Variants in PPFIBP2 observed in about 807,000 individuals in gnomAD.
PPFIBP2 encodes the protein PPFIB scaffold protein 2.
A neutral mutation model predicts 118.3 loss-of-function variants in PPFIBP2; 118 were observed. The ratio of observed to expected loss-of-function variants is 1.00; its 90% CI spans 0.86 to 1.16. PPFIBP2 has a LOEUF of 1.16. PPFIBP2 is among the 50% of genes most tolerant of loss of function. PPFIBP2 has a pLI of 0.00. For missense variants in PPFIBP2, 1,195 were observed against 1,073.1 expected (o/e 1.11, Z -1.59); for synonymous variants, 414 against 397.4 (o/e 1.04, Z -0.50).
chr11:7,556,021 TATC>T (rs762525689), intron 2 of PPFIBP2, among the ~76,000 whole-genome samples: 62 of 152,364 alleles, frequency 4.1e-4, no homozygotes, highest in Admixed American at 1.2e-3. Flanking sequence ...TCCATTTTGT[TATC>T]ATCAAGTTGG....
At chr11:7,632,989 G>C in intron 12 of PPFIBP2, 55 bp downstream of exon 12, 1 of 1,513,610 alleles carries the variant, frequency 6.6e-7, no homozygotes, top group Non-Finnish European at 9.2e-7. Flanking sequence ...TTGCCTTGGG[G>C]CTGCCGAAGT....
At chr11:7,573,442 A>G (rs534279423) in intron 3 of PPFIBP2, among the ~76,000 whole-genome samples, 6 of 152,382 alleles carry the variant, frequency 3.9e-5, no homozygotes, top group African/African-American at 1.2e-4. Context: ...GTGTCCATAA[A>G]TAAAGTTTTA....
chr11:7,593,376 C>G (rs1238220756), intron 4 of PPFIBP2, 152 bp downstream of exon 4: 4 of 1,223,206 alleles, frequency 3.3e-6, no homozygotes, highest in Non-Finnish European at 4.4e-6. Context: ...TGAAATAAAA[C>G]ATTAAGTAAC....
intron 3 of PPFIBP2, among the ~76,000 whole-genome samples, chr11:7,566,109 C>T (rs1464866727): frequency 6.6e-6 from 1 of 152,040 alleles, no homozygotes; most frequent in South Asian, 2.1e-4. Context: ...GCTGGTGTCT[C>T]TACCCTCGGC....
intron 6 of PPFIBP2, among the ~76,000 whole-genome samples, chr11:7,618,737 A>G (rs1371326288): frequency 6.6e-6 from 1 of 151,912 alleles, no homozygotes; most frequent in Non-Finnish European, 1.5e-5. Context: ...ACTTGCCACC[A>G]CGCCCGGCTA....
At chr11:7,664,168 T>C in the PPFIBP2 span, among the ~76,000 whole-genome samples, 1 of 152,192 alleles carries the variant, frequency 6.6e-6, no homozygotes, top group African/African-American at 2.4e-5. Context: ...TCTTGGCTCC[T>C]CCCTTGCATG....
At chr11:7,663,576 C>T in the PPFIBP2 span, among the ~76,000 whole-genome samples, 1 of 152,228 alleles carries the variant, frequency 6.6e-6, no homozygotes, top group Non-Finnish European at 1.5e-5. Context: ...ACATTTAAGT[C>T]TGTAGAAGTT....
intron 2 of PPFIBP2, among the ~76,000 whole-genome samples, chr11:7,562,241 C>A (rs1353735307): frequency 1.3e-5 from 2 of 152,190 alleles, no homozygotes; most frequent in Non-Finnish European, 2.9e-5. Flanking sequence ...GCTGGGAACA[C>A]CTGGGCTGGA....
At chr11:7,571,708 T>C (rs1189188051) in intron 3 of PPFIBP2, 1 of 152,128 alleles carries the variant, frequency 6.6e-6, no homozygotes, top group African/African-American at 2.4e-5. Context: ...CTGTGACAGG[T>C]GTGAACTTGA....
rs1416403496 is a variant in PPFIBP2 at position 7,648,720 on chromosome 11, T to G, written c.1798-80T>G. The G allele has an allele frequency of 2.0e-6, 3 of 1,471,008 alleles. No individual in the cohort carries two copies. In the East Asian group the frequency reaches 6.8e-5, roughly 33 times the overall value. 91.1% of individuals were successfully genotyped at this position (1,471,008 alleles called of 1,614,324 possible). On this transcript the variant is annotated intron_variant, in intron 18 of 23. Coordinates refer to ENST00000299492, the MANE Select transcript of PPFIBP2 (RefSeq NM_003621.5). ...GAGATACACTGCCATACTCAGAGCA[T>G]CTCCACCCAGACACAGCTTTCTCTG...
chr11:7,567,686 A>G (rs921995328), intron 3 of PPFIBP2, among the ~76,000 whole-genome samples: 1 of 152,232 alleles, frequency 6.6e-6, no homozygotes, highest in African/African-American at 2.4e-5. Context: ...CACATTCCAC[A>G]CAAGGTCTTA....
At chr11:7,634,669 A>T (rs546958105) in intron 13 of PPFIBP2, 117 bp downstream of exon 13, 7 of 779,960 alleles carry the variant, frequency 9.0e-6, no homozygotes, top group South Asian at 6.2e-5. Context: ...ATAAAGTTGT[A>T]GAGGAAGCAG....
chr11:7,617,156 G>C, intron 6 of PPFIBP2: 1 of 984,918 alleles, frequency 1.0e-6, no homozygotes, highest in Non-Finnish European at 1.2e-6. Flanking sequence ...AGATGTGTAG[G>C]CTGCAGCTGG....
intron 12 of PPFIBP2, among the ~76,000 whole-genome samples, chr11:7,633,424 A>T (rs1851041993): frequency 6.6e-6 from 1 of 152,224 alleles, no homozygotes; most frequent in South Asian, 2.1e-4. Context: ...TTTGACTGCC[A>T]TCTGTCTTGT....
At chr11:7,602,086 T>TAAAAAAA (rs1846718392) in intron 5 of PPFIBP2, among the ~76,000 whole-genome samples, 1 of 20,594 alleles carries the variant, frequency 4.9e-5, no homozygotes, top group Non-Finnish European at 9.7e-5. Flanking sequence ...AGAATGAAAC[T>TAAAAAAA]CAAAAAAAAA....
downstream of PPFIBP2, among the ~76,000 whole-genome samples, chr11:7,656,537 A>G (rs1041359809): frequency 6.6e-6 from 1 of 152,146 alleles, no homozygotes; most frequent in Admixed American, 6.5e-5. Flanking sequence ...AAGATGAACA[A>G]TTTATTTTTA....
chr11:7,600,312 T>C (rs935422547), intron 5 of PPFIBP2, among the ~76,000 whole-genome samples: 5 of 152,222 alleles, frequency 3.3e-5, no homozygotes, highest in Non-Finnish European at 7.3e-5. Flanking sequence ...AAATCCAAAG[T>C]TGAATGTTCG....
chr11:7,577,323 G>GCA (rs1015791446), intron 3 of PPFIBP2: 2 of 265,366 alleles, frequency 7.5e-6, no homozygotes, highest in African/African-American at 6.5e-5. Context: ...GTATGTGCGT[G>GCA]TGTGTGTGTG....
At chr11:7,520,306 T>C (rs1849631073) in intron 1 of PPFIBP2, among the ~76,000 whole-genome samples, 1 of 152,062 alleles carries the variant, frequency 6.6e-6, no homozygotes, top group South Asian at 2.1e-4. Context: ...TTTCAGGGGG[T>C]ACGTGTCTTC....
Sources: allele counts gnomAD v4.1 joint callset (sites outside exome capture counted in the v4.1 genomes callset), GRCh38; gene constraint gnomAD v4.1.1; transcripts MANE v1.5; gene names NCBI Gene and HGNC (gene_info 2026-07-23, HGNC 2026-07-21).